Variants in EYA1 observed in about 807,000 individuals in gnomAD.
EYA1 encodes the protein protein phosphatase EYA1.
A neutral mutation model predicts 82.0 loss-of-function variants in EYA1; 16 were observed. The ratio of observed to expected loss-of-function variants is 0.20; its 90% CI spans 0.13 to 0.30. The LOEUF (loss-of-function observed/expected upper bound fraction) is 0.30. EYA1 is among the 10% of genes least tolerant of loss of function. The pLI, the probability that EYA1 is intolerant of heterozygous loss-of-function variation, is 1.00. For missense variants in EYA1, 633 were observed against 730.7 expected, an observed-to-expected ratio of 0.87 and a Z score of 1.54; for synonymous variants, 261 against 264.4, an observed-to-expected ratio of 0.99 and a Z score of 0.12.
chr8:71,204,092 T>A (rs1306714041), intron 17 of EYA1: 2 of 152,172 alleles, frequency 1.3e-5, no homozygotes, highest in Non-Finnish European at 2.9e-5. Flanking sequence ...GCAACATGCA[T>A]GTGATTCGTT....
At chr8:71,377,146 G>C (rs1297948628) in intron 2 of EYA1, among the ~76,000 whole-genome samples, 2 of 152,154 alleles carry the variant, frequency 1.3e-5, no homozygotes, top group Non-Finnish European at 2.9e-5. Flanking sequence ...GAGGAAGCAA[G>C]CAGATACTAA....
intron 12 of EYA1, among the ~76,000 whole-genome samples, chr8:71,235,419 CA>C (rs998993879): frequency 1.3e-5 from 2 of 152,284 alleles, no homozygotes; most frequent in Middle Eastern, 3.4e-3. Flanking sequence ...ATTGTCCTCC[CA>C]AAATGACTTC....
At chr8:71,458,171 AC>A (rs1162684647) in intron 2 of EYA1, among the ~76,000 whole-genome samples, 1 of 152,128 alleles carries the variant, frequency 6.6e-6, no homozygotes, top group African/African-American at 2.4e-5. Flanking sequence ...GTTGTATACA[AC>A]CCTGGTTGTA....
At chr8:71,348,244 C>T (rs1314375770) in intron 3 of EYA1, among the ~76,000 whole-genome samples, 1 of 152,152 alleles carries the variant, frequency 6.6e-6, no homozygotes, top group Non-Finnish European at 1.5e-5. Flanking sequence ...TATTTATATA[C>T]TGCTCACACC....
At chr8:71,433,915 G>A (rs544379338) in intron 2 of EYA1, among the ~76,000 whole-genome samples, 2 of 152,316 alleles carry the variant, frequency 1.3e-5, no homozygotes, top group African/African-American at 4.8e-5. Flanking sequence ...TTCAGCTAAC[G>A]CAGATGGAGC....
In EYA1 at chr8:71,199,416, G is replaced by A. The variant is rs765493132; in HGVS notation, c.1703C>T (p.Ala568Val). The A allele has an allele frequency of 3.1e-6, 5 of 1,611,578 alleles. No homozygotes were observed. Among genetic ancestry groups the A allele is most frequent in the African/African-American group, 1.3e-5 (1 of 75,006 alleles). Residue 568 changes from alanine (A) to valine (V), a missense_variant, in exon 18 of 18, where the codon GCG becomes GTG. Transcript: ENST00000340726. Reference protein sequence around the residue: ...VEEEQGAKKHAMPFWRISSHS... With the variant: ...VEEEQGAKKHVMPFWRISSHS... Reference sequence around the variant, plus strand: ...GCTGGAGATCCTCCAGAAGGGCATCGCGTGCTGCAGCAGAGGCACACATAC... The same window carrying A: ...GCTGGAGATCCTCCAGAAGGGCATCACGTGCTGCAGCAGAGGCACACATAC...
chr8:71,512,399 A>G (rs975994653), intron 2 of EYA1, among the ~76,000 whole-genome samples: 27 of 152,084 alleles, frequency 1.8e-4, no homozygotes, highest in Admixed American at 1.8e-3. Context: ...ATTTCTTAAA[A>G]GAAAAAAAAA....
rs566658738 is a variant in EYA1, at chr8:71,316,557, A to G, written c.556+995T>C. 2.6e-5 allele frequency among the ~76,000 whole-genome samples: 4 copies of G among 152,334 alleles called. No homozygotes were observed. The East Asian group carries it at 5.8e-4, about 22-fold the overall frequency. On this transcript the variant is annotated intron_variant, in intron 7 of 17. Transcript: ENST00000340726. ...CCATGCTGTATATCTAGACAAACAT[A>G]TATCATAATGATAATAATAAATGTA...
At chr8:71,370,149 C>G (rs953801691) in intron 2 of EYA1, among the ~76,000 whole-genome samples, 1 of 151,818 alleles carries the variant, frequency 6.6e-6, no homozygotes, top group Non-Finnish European at 1.5e-5. Context: ...CCAAAATAAA[C>G]AGAAAAATTA....
intron 7 of EYA1, among the ~76,000 whole-genome samples, chr8:71,312,376 T>G (rs1374184623): frequency 6.6e-6 from 1 of 152,208 alleles, no homozygotes; most frequent in African/African-American, 2.4e-5. Flanking sequence ...TCTTAACTGT[T>G]GATATCATAC....
chr8:71,199,468 G>C, intron 17 of EYA1, 48 bp from the exon 18 acceptor site: 3 of 1,409,802 alleles, frequency 2.1e-6, no homozygotes, highest in Non-Finnish European at 2.0e-6. Flanking sequence ...CCCAGCGCCA[G>C]CCCTGCCAGC....
intron 2 of EYA1, among the ~76,000 whole-genome samples, chr8:71,394,342 T>C: frequency 6.6e-6 from 1 of 152,314 alleles, no homozygotes; most frequent in East Asian, 1.9e-4. Flanking sequence ...TTGCTTTTGG[T>C]GTTTTAGTCA....
chr8:71,394,887 T>C (rs1348059201), intron 2 of EYA1, among the ~76,000 whole-genome samples: 2 of 152,194 alleles, frequency 1.3e-5, no homozygotes, highest in African/African-American at 4.8e-5. Context: ...TTGGGCAGTA[T>C]GGCCATTTTC....
intron 2 of EYA1, among the ~76,000 whole-genome samples, chr8:71,487,869 T>G (rs1041117321): frequency 1.3e-5 from 2 of 152,184 alleles, no homozygotes; most frequent in Admixed American, 6.5e-5. Context: ...ACATTACTAG[T>G]GGAAGTATAT....
chr8:71,339,769 T>G (rs1207496925), intron 3 of EYA1, among the ~76,000 whole-genome samples: 1 of 152,226 alleles, frequency 6.6e-6, no homozygotes, highest in Non-Finnish European at 1.5e-5. Flanking sequence ...CTAACTTTCC[T>G]CCATGGTATA....
At chr8:71,328,205 G>T (rs1340637900) in intron 4 of EYA1, among the ~76,000 whole-genome samples, 2 of 152,100 alleles carry the variant, frequency 1.3e-5, no homozygotes, top group Non-Finnish European at 2.9e-5. Flanking sequence ...AGGAGTGGTG[G>T]CCACAGAGCT....
chr8:71,363,798 T>A (rs890154937), upstream of EYA1, among the ~76,000 whole-genome samples: 2 of 152,196 alleles, frequency 1.3e-5, no homozygotes, highest in Non-Finnish European at 2.9e-5. Flanking sequence ...ATTTGAGATG[T>A]TGGAGAATTA....
chr8:71,265,591 G>A (rs1414251758), intron 11 of EYA1, among the ~76,000 whole-genome samples: 1 of 150,860 alleles, frequency 6.6e-6, no homozygotes, highest in Non-Finnish European at 1.5e-5. Context: ...CCACAGGAGG[G>A]GGACCATGCC....
chr8:71,319,109 C>G (rs756245756), intron 6 of EYA1, among the ~76,000 whole-genome samples: 2 of 150,046 alleles, frequency 1.3e-5, no homozygotes, highest in Non-Finnish European at 3.0e-5. Context: ...TTCACCTATA[C>G]CAATAAAATA....
Sources: allele counts gnomAD v4.1 joint callset (sites outside exome capture counted in the v4.1 genomes callset), GRCh38; gene constraint gnomAD v4.1.1; transcripts MANE v1.5; gene names NCBI Gene and HGNC (gene_info 2026-07-23, HGNC 2026-07-21).